Variants in DOCK8 observed in about 807,000 individuals in gnomAD.
The protein encoded by DOCK8 is dedicator of cytokinesis protein 8.
In DOCK8, 141 loss-of-function variants were observed where a neutral mutation model predicts 245.6. The observed-to-expected ratio is 0.57, with a 90% CI of 0.50 to 0.66. The LOEUF (loss-of-function observed/expected upper bound fraction) is 0.66, where lower values mean the gene tolerates loss of function less well. DOCK8 is among the 30% of genes least tolerant of loss of function. DOCK8 has a pLI of 0.00. For missense variants in DOCK8, 2,965 were observed against 2,603.4 expected (o/e 1.14, Z -3.02); for synonymous variants, 1,168 against 970.2 (o/e 1.20, Z -3.79).
chr9:338,781 A>C (rs570966981), intron 12 of DOCK8, among the ~76,000 whole-genome samples: 1 of 152,314 alleles, frequency 6.6e-6, no homozygotes, highest in South Asian at 2.1e-4. Flanking sequence ...CAGATGCCCC[A>C]TCCCCAGAAG....
At position 215,145 on chromosome 9, in the gene DOCK8, G is replaced by A. The variant is rs748520804; in HGVS notation, c.53+116G>A. On this transcript the variant is annotated intron_variant, in intron 1 of 47. Transcript: ENST00000432829. ...AGTCCATTCGCGTCCGCGGCGGGGC[G>A]CGCCTGAGACCTGGGGCGCCCGGTT... 7 of 1,465,426 alleles carry A rather than the reference G, an allele frequency of 4.8e-6. No homozygotes were observed. The South Asian group carries it at 8.2e-5, about 17-fold the overall frequency. 90.8% of individuals were successfully genotyped at this position (1,465,426 alleles called of 1,614,324 possible). A position where few individuals can be genotyped will look rare whatever the true frequency, so the allele number is the denominator to read the frequency against.
At chr9:419,211 C>G (rs777687999) in intron 30 of DOCK8, among the ~76,000 whole-genome samples, 40 of 152,358 alleles carry the variant, frequency 2.6e-4, no homozygotes, top group Non-Finnish European at 4.7e-4. Flanking sequence ...AAGCAGCATC[C>G]TGACCTAACT....
chr9:215,259 G>A (rs1367221143), intron 1 of DOCK8: 1 of 1,601,392 alleles, frequency 6.2e-7, no homozygotes, highest in Non-Finnish European at 8.5e-7. Context: ...CGGTGCTCCT[G>A]GATGTCCTCA....
intron 1 of DOCK8, among the ~76,000 whole-genome samples, chr9:235,622 C>A (rs1029015602): frequency 2.0e-5 from 3 of 152,218 alleles, no homozygotes; most frequent in African/African-American, 7.2e-5. Flanking sequence ...CCTCCCCAAG[C>A]CTCGCTGCCG....
At chr9:302,164 A>C (rs949803194) in intron 4 of DOCK8, among the ~76,000 whole-genome samples, 1 of 152,208 alleles carries the variant, frequency 6.6e-6, no homozygotes, top group Non-Finnish European at 1.5e-5. Flanking sequence ...GTAGACCAAT[A>C]GAACAAGATA....
At chr9:425,538 C>CAA (rs35853132) in intron 33 of DOCK8, among the ~76,000 whole-genome samples, 19 of 54,298 alleles carry the variant, frequency 3.5e-4, no homozygotes, top group African/African-American at 8.4e-4. Flanking sequence ...GACTCCGTCT[C>CAA]AAAAAAAAAA....
chr9:283,252 T>C (rs2048667106), intron 2 of DOCK8, among the ~76,000 whole-genome samples: 1 of 152,220 alleles, frequency 6.6e-6, no homozygotes, highest in South Asian at 2.1e-4. Flanking sequence ...GCATACAGGC[T>C]GAGCATCCCT....
intron 28 of DOCK8, among the ~76,000 whole-genome samples, chr9:413,345 G>A (rs1228597203): frequency 6.6e-6 from 1 of 152,030 alleles, no homozygotes; most frequent in Non-Finnish European, 1.5e-5. Context: ...ACTTAGAAAA[G>A]GCAGTGGTTT....
chr9:239,372 A>G (rs1324580940), intron 1 of DOCK8, among the ~76,000 whole-genome samples: 1 of 152,222 alleles, frequency 6.6e-6, no homozygotes, highest in Non-Finnish European at 1.5e-5. Context: ...TTTTCCAAAA[A>G]TAACTTCTAT....
Position 464,856 on chromosome 9 carries a change from T to C in DOCK8, c.*637T>C, listed in dbSNP as rs958916529. On this transcript the variant is annotated 3_prime_UTR_variant, in exon 48 of 48. Coordinates refer to ENST00000432829, the MANE Select transcript of DOCK8 (RefSeq NM_203447.4). ...TACTGTTACATTAATTTAACATGCA[T>C]TTATAGAAGAATACATTCAAAGCAC... 1.0e-4 allele frequency: 16 copies of C among 157,452 alleles called. No homozygotes were observed. Among genetic ancestry groups the C allele is most frequent in the African/African-American group, 3.6e-4 (15 of 41,594 alleles). The allele number at this position is 157,452 out of a possible 1,614,324, so 9.8% of individuals were successfully genotyped here. A position where few individuals can be genotyped will look rare whatever the true frequency, so the allele number is the denominator to read the frequency against.
intron 1 of DOCK8, chr9:268,115 G>T (rs1211761553): frequency 6.6e-6 from 1 of 152,098 alleles, no homozygotes; most frequent in Non-Finnish European, 1.5e-5. Flanking sequence ...ATGTGTGTAG[G>T]GCCTCACTAG....
At chr9:309,834 C>G (rs888416197) in intron 5 of DOCK8, among the ~76,000 whole-genome samples, 1 of 152,194 alleles carries the variant, frequency 6.6e-6, no homozygotes, top group Admixed American at 6.5e-5. Flanking sequence ...TTTCCAGTTT[C>G]AAAAACCAAG....
intron 7 of DOCK8, among the ~76,000 whole-genome samples, chr9:322,900 C>G (rs1328883133): frequency 6.6e-6 from 1 of 151,990 alleles, no homozygotes. Context: ...TGAGACCAGC[C>G]TGGACAACAT....
Position 369,985 on chromosome 9 carries a change from T to G in DOCK8, c.1798-245T>G, listed in dbSNP as rs1295897639. On this transcript the variant is annotated intron_variant, in intron 15 of 47. Transcript: ENST00000432829. The stretch of plus-strand genomic sequence containing the variant: ...CCTGGCTAATTTTTGTATTTTTTTG[T>G]AGAGATGAGGTTTCGCCATGTTGCC... 3 of 532,774 alleles carry G rather than the reference T, an allele frequency of 5.6e-6. No homozygotes were observed. In the Admixed American group the frequency reaches 9.3e-5, roughly 17 times the overall value. The allele number at this position is 532,774 out of a possible 1,614,324, so 33.0% of individuals were successfully genotyped here. A position where few individuals can be genotyped will look rare whatever the true frequency, so the allele number is the denominator to read the frequency against.
intron 46 of DOCK8, 136 bp from the exon 47 acceptor site, chr9:463,381 C>T: frequency 1.0e-6 from 1 of 980,290 alleles, no homozygotes; most frequent in Non-Finnish European, 1.5e-6. Context: ...AAAAGCTCCA[C>T]AGGTGATCCC....
rs1354792632 is a variant in DOCK8, at chr9:463,616, C to A, written c.6168C>A (p.Asn2056Lys). The part of the protein sequence containing the change: ...LKKNYNKLKE[N>K]LRPMIERKIP... ...AGAACTATAACAAGCTAAAAGAGAA[C>A]CTCAGGCCAATGATCGAGCGGAAAA... is the stretch of plus-strand genomic sequence containing the variant. The change falls in exon 47 of 48, where the codon AAC becomes AAA. Residue 2056 changes from asparagine to lysine, a missense_variant. Coordinates refer to ENST00000432829, the MANE Select transcript of DOCK8 (RefSeq NM_203447.4). The A allele has an allele frequency of 6.2e-7, 1 of 1,613,756 alleles. No individual in the cohort carries two copies. Among genetic ancestry groups the A allele is most frequent in the Non-Finnish European group, 8.5e-7 (1 of 1,180,020 alleles).
chr9:318,416 G>C (rs888930172), intron 7 of DOCK8, among the ~76,000 whole-genome samples: 4 of 152,182 alleles, frequency 2.6e-5, no homozygotes, highest in Non-Finnish European at 4.4e-5. Flanking sequence ...GGGATTTTGA[G>C]TTCTTCCCTA....
At chr9:237,068 T>TG (rs2047268687) in intron 1 of DOCK8, among the ~76,000 whole-genome samples, 1 of 152,166 alleles carries the variant, frequency 6.6e-6, no homozygotes, top group Non-Finnish European at 1.5e-5. Context: ...CACAAGTCTT[T>TG]GGGGGGACAG....
chr9:329,882 T>C (rs1004565322), intron 9 of DOCK8, among the ~76,000 whole-genome samples: 1 of 152,230 alleles, frequency 6.6e-6, no homozygotes, highest in Non-Finnish European at 1.5e-5. Context: ...CATACTAAAG[T>C]GTTTGGATAG....
Sources: allele counts gnomAD v4.1 joint callset (sites outside exome capture counted in the v4.1 genomes callset), GRCh38; gene constraint gnomAD v4.1.1; transcripts MANE v1.5; gene names NCBI Gene and HGNC (gene_info 2026-07-23, HGNC 2026-07-21).